The following STIL variants were observed in gnomAD, a reference collection of about 807,000 sequenced individuals.
STIL encodes the protein STIL centriolar assembly protein.
Under a neutral mutation model 110.1 loss-of-function variants are expected in STIL, and 55 were observed. The observed-to-expected ratio is 0.50, with a 90% CI of 0.40 to 0.63. STIL has a LOEUF of 0.63. STIL is among the 20% of genes least tolerant of loss of function. STIL has a pLI of 0.00. For missense variants in STIL, 1,358 were observed against 1,530.0 expected, an observed-to-expected ratio of 0.89 and a Z score of 1.87; for synonymous variants, 481 against 530.0, an observed-to-expected ratio of 0.91 and a Z score of 1.27.
chr1:47,302,562 C>A (rs1645836907), intron 3 of STIL, among the ~76,000 whole-genome samples: 1 of 152,154 alleles, frequency 6.6e-6, no homozygotes, highest in African/African-American at 2.4e-5. Flanking sequence ...GTTCTCCAGG[C>A]ATTTTGTTAA....
In STIL at chr1:47,280,551, G is replaced by A. The variant is rs904757054; in HGVS notation, c.1907C>T (p.Ala636Val). Residue 636 changes from alanine to valine, a missense_variant, in exon 12 of 17, where the codon GCC (alanine) becomes GTC (valine). Physicochemically the swap from Ala to Val is moderately conservative, Grantham distance 64. Coordinates refer to ENST00000371877, the MANE Select transcript of STIL (RefSeq NM_001048166.1). ...GTGAAATAATGAATGCTTTTGAAGG[G>A]CTTCAGACTGGACATCTTGAATGGA... is the stretch of plus-strand genomic sequence containing the variant. ...VGSIQDVQSE[A>V]LQKHSLFHPS... The A allele has an allele frequency of 6.2e-7, 1 of 1,614,240 alleles. No homozygotes were observed. The highest frequency in any genetic ancestry group is 8.5e-7 in the Non-Finnish European group (1 of 1,180,044).
chr1:47,250,236 A>C lies in STIL; in HGVS notation c.*900T>G, dbSNP rs1644150904. 1 of 173,192 alleles carries C rather than the reference A, an allele frequency of 5.8e-6. No homozygotes were observed. The highest frequency in any genetic ancestry group is 1.2e-5 in the Non-Finnish European group (1 of 80,054). The allele number at this position is 173,192 out of a possible 1,614,324, so 10.7% of individuals were successfully genotyped here. ...TTATAAAACACACTCATACTCAATA[A>C]TTTTCTTATTCTTTGATAGCCAGTG... On this transcript the variant is annotated 3_prime_UTR_variant, in exon 17 of 17. Transcript: ENST00000371877.
intron 10 of STIL, among the ~76,000 whole-genome samples, chr1:47,284,827 T>C (rs1645248037): frequency 6.6e-6 from 1 of 151,422 alleles, no homozygotes; most frequent in Non-Finnish European, 1.5e-5. Flanking sequence ...GAAGTGGAGG[T>C]TGCAGTGAGC....
chr1:47,283,393 G>A lies in STIL; in HGVS notation c.1134-934C>T, dbSNP rs144843479. 3 of 152,366 alleles carry A rather than the reference G, an allele frequency of 2.0e-5. No individual in the cohort carries two copies. In the East Asian group the frequency reaches 5.8e-4, roughly 29 times the overall value. The allele number at this position is 152,366 out of a possible 1,614,324, so 9.4% of individuals were successfully genotyped here. A position where few individuals can be genotyped will look rare whatever the true frequency, so the allele number is the denominator to read the frequency against. On this transcript the variant is annotated intron_variant, in intron 10 of 16. Coordinates refer to ENST00000371877, the MANE Select transcript of STIL (RefSeq NM_001048166.1). ...CATGATTATGTTTAAGCAGAAATGG[G>A]TCTTCAGTCCCACAAAGCTCTTCTC...
intron 12 of STIL, among the ~76,000 whole-genome samples, chr1:47,279,282 CAAAA>C (rs11325942): frequency 9.3e-6 from 1 of 107,126 alleles, no homozygotes. Flanking sequence ...TACTCCGTCT[CAAAA>C]AAAAAAAAAA....
At chr1:47,265,452 T>C (rs1376812247) in intron 14 of STIL, among the ~76,000 whole-genome samples, 10 of 151,594 alleles carry the variant, frequency 6.6e-5, no homozygotes, top group African/African-American at 2.4e-4. Context: ...AACCAGACAC[T>C]GGGTCAAACT....
intron 13 of STIL, among the ~76,000 whole-genome samples, chr1:47,271,258 T>C (rs1444600761): frequency 6.6e-6 from 1 of 151,856 alleles, no homozygotes; most frequent in Non-Finnish European, 1.5e-5. Flanking sequence ...TACATAATGG[T>C]TTAAACAGAT....
intron 12 of STIL, among the ~76,000 whole-genome samples, chr1:47,279,834 T>C (rs7532148): frequency 0.17 from 26,509 of 151,834 alleles, 2,946 homozygotes; most frequent in East Asian, 0.52. Context: ...AGTATAGATA[T>C]GCAGAAAGGC....
chr1:47,292,282 G>GTGC (rs1243697022), intron 8 of STIL, among the ~76,000 whole-genome samples: 7 of 152,234 alleles, frequency 4.6e-5, no homozygotes, highest in African/African-American at 1.7e-4. Flanking sequence ...AGTGCAGGTA[G>GTGC]AGAAAAAGGC....
intron 8 of STIL, among the ~76,000 whole-genome samples, chr1:47,291,221 C>T (rs1317782126): frequency 6.6e-6 from 1 of 151,892 alleles, no homozygotes; most frequent in East Asian, 1.9e-4. Flanking sequence ...ATTAGCCGGG[C>T]ATGGTGGCAC....
At position 47,265,815 on chromosome 1, in the gene STIL, C is replaced by T. The variant is rs183667577; in HGVS notation, c.2616-2699G>A. 7.4e-3 allele frequency among the ~76,000 whole-genome samples: 1,074 copies of T among 145,920 alleles called. 14 individuals carry two copies. Among genetic ancestry groups the T allele is most frequent in the African/African-American group, 0.025 (1,004 of 39,840 alleles). ...AAAAAAAAAAAAAAAAAGAAACAGT[C>T]TCTCTCTGTCACCCAGGCTGGAGTG... On this transcript the variant is annotated intron_variant, in intron 14 of 16. Transcript: ENST00000371877.
Position 47,289,602 on chromosome 1 carries a change from A to ATTAAAT in STIL, c.873-18_873-17insATTTAA. On this transcript the variant is annotated splice_polypyrimidine_tract_variant and intron_variant, in intron 8 of 16. Transcript: ENST00000371877. ...GAAAAAACCCTGCACAAAAAAAGTC[A>ATTAAAT]TTTAATTAAAATTTAATGAGGATAA... 1 of 1,605,238 alleles carries ATTAAAT rather than the reference A, an allele frequency of 6.2e-7. No individual in the cohort carries two copies. Among genetic ancestry groups the ATTAAAT allele is most frequent in the Non-Finnish European group, 8.5e-7 (1 of 1,172,238 alleles).
At chr1:47,262,043 T>C (rs912120347) in intron 15 of STIL, among the ~76,000 whole-genome samples, 2 of 152,236 alleles carry the variant, frequency 1.3e-5, no homozygotes, top group African/African-American at 4.8e-5. Flanking sequence ...TAGGCCTTTA[T>C]GATGTTCACA....
At chr1:47,293,860 A>G (rs1204709335) in intron 7 of STIL, among the ~76,000 whole-genome samples, 2 of 152,188 alleles carry the variant, frequency 1.3e-5, no homozygotes, top group Non-Finnish European at 2.9e-5. Flanking sequence ...AACAGAGATG[A>G]AAGCAGTATA....
chr1:47,297,584 A>T (rs371581950), intron 6 of STIL, among the ~76,000 whole-genome samples: 3 of 151,408 alleles, frequency 2.0e-5, no homozygotes, highest in Middle Eastern at 3.4e-3. Flanking sequence ...CAAATGTCAA[A>T]TTTTTTTTTA....
At chr1:47,252,865 A>T (rs894862860) in intron 16 of STIL, among the ~76,000 whole-genome samples, 1 of 150,802 alleles carries the variant, frequency 6.6e-6, no homozygotes, top group African/African-American at 2.4e-5. Flanking sequence ...ACTTACTTTG[A>T]TTAGTGTTAA....
intron 3 of STIL, among the ~76,000 whole-genome samples, chr1:47,303,227 A>G (rs766045598): frequency 3.9e-5 from 6 of 152,340 alleles, no homozygotes; most frequent in Admixed American, 6.5e-5. Context: ...CATATATACT[A>G]TAAGTATCCT....
intron 12 of STIL, among the ~76,000 whole-genome samples, chr1:47,274,985 C>G (rs988316488): frequency 2.0e-5 from 3 of 151,766 alleles, no homozygotes; most frequent in Non-Finnish European, 2.9e-5. Flanking sequence ...AACCCTGTCT[C>G]TACTAAAACC....
intron 13 of STIL, among the ~76,000 whole-genome samples, chr1:47,271,548 G>A (rs556912001): frequency 3.2e-4 from 41 of 128,780 alleles, no homozygotes; most frequent in African/African-American, 1.0e-3. Context: ...GACGGAGTGA[G>A]ACTCCGTCTC....
Sources: allele counts gnomAD v4.1 joint callset (sites outside exome capture counted in the v4.1 genomes callset), GRCh38; gene constraint gnomAD v4.1.1; transcripts MANE v1.5; gene names NCBI Gene and HGNC (gene_info 2026-07-23, HGNC 2026-07-21).